Variants in CSMD1 observed in about 807,000 individuals in gnomAD.
The protein encoded by CSMD1 is CUB and sushi domain-containing protein 1.
In CSMD1, 213 loss-of-function variants were observed where a neutral mutation model predicts 417.5. The ratio of observed to expected loss-of-function variants is 0.51; its 90% confidence interval spans 0.46 to 0.57. The LOEUF (loss-of-function observed/expected upper bound fraction) is 0.57, where lower values mean the gene tolerates loss of function less well. CSMD1 is among the 20% of genes least tolerant of loss of function. The pLI, the probability that CSMD1 is intolerant of heterozygous loss-of-function variation, is 0.00. For missense variants in CSMD1, 6,923 were observed against 4,529.7 expected (o/e 1.53, Z -15.17); for synonymous variants, 2,862 against 1,736.8 (o/e 1.65, Z -16.11).
intron 25 of CSMD1, among the ~76,000 whole-genome samples, chr8:3,303,229 G>A (rs1348621987): frequency 6.6e-6 from 1 of 151,996 alleles, no homozygotes; most frequent in African/African-American, 2.4e-5. Flanking sequence ...ACAGAGGCTG[G>A]ACATGGAGAC....
intron 6 of CSMD1, among the ~76,000 whole-genome samples, chr8:3,737,058 G>A (rs149202970): frequency 7.2e-5 from 11 of 152,244 alleles, no homozygotes; most frequent in Non-Finnish European, 1.2e-4. Flanking sequence ...TGCTTTAAGC[G>A]GATTTGAAAG....
intron 4 of CSMD1, among the ~76,000 whole-genome samples, chr8:4,020,163 C>T (rs182837046): frequency 1.3e-5 from 2 of 152,230 alleles, no homozygotes; most frequent in Admixed American, 1.3e-4. Context: ...TTAATCTTTA[C>T]AACAGATTTC....
At chr8:4,906,032 C>A (rs1199224675) in intron 1 of CSMD1, among the ~76,000 whole-genome samples, 1 of 152,000 alleles carries the variant, frequency 6.6e-6, no homozygotes, top group Non-Finnish European at 1.5e-5. Context: ...AAATAGAAAG[C>A]ATATTAAAAA....
chr8:3,378,761 C>G (rs546007898), intron 18 of CSMD1, among the ~76,000 whole-genome samples: 2 of 152,048 alleles, frequency 1.3e-5, no homozygotes, highest in East Asian at 1.9e-4. Context: ...AAATAATAAG[C>G]TATTTATGAC....
At chr8:4,226,475 G>C (rs567624129) in intron 3 of CSMD1, among the ~76,000 whole-genome samples, 7 of 152,110 alleles carry the variant, frequency 4.6e-5, no homozygotes, top group African/African-American at 1.7e-4. Context: ...TTGCAATTTA[G>C]AAATTTTACA....
intron 3 of CSMD1, among the ~76,000 whole-genome samples, chr8:4,411,437 T>C (rs544488680): frequency 1.3e-5 from 2 of 152,282 alleles, no homozygotes; most frequent in African/African-American, 4.8e-5. Flanking sequence ...CAAAGGACTT[T>C]TAATTACTTG....
intron 3 of CSMD1, among the ~76,000 whole-genome samples, chr8:4,101,831 C>T (rs942980679): frequency 8.0e-4 from 2 of 2,492 alleles, no homozygotes; most frequent in African/African-American, 8.5e-4. Context: ...TCACTCCGCA[C>T]ATCTCTGAAT....
chr8:3,839,437 A>G (rs1324108117), intron 5 of CSMD1, among the ~76,000 whole-genome samples: 1 of 124,124 alleles, frequency 8.1e-6, no homozygotes, highest in Admixed American at 9.9e-5. Context: ...ATAAATTAAT[A>G]TTATATATTA....
chr8:3,473,168 T>A (rs1817205530), intron 11 of CSMD1, among the ~76,000 whole-genome samples: 1 of 152,230 alleles, frequency 6.6e-6, no homozygotes, highest in African/African-American at 2.4e-5. Context: ...ATATTTAATT[T>A]CTTAAGTTCT....
intron 25 of CSMD1, among the ~76,000 whole-genome samples, chr8:3,297,196 G>T (rs367625157): frequency 7.9e-5 from 12 of 152,084 alleles, no homozygotes; most frequent in African/African-American, 2.9e-4. Context: ...AAATGGAGAG[G>T]TATACAATAT....
At chr8:3,776,805 G>GACATATATATATATATATAT (rs1411200186) in intron 5 of CSMD1, among the ~76,000 whole-genome samples, 2 of 96,674 alleles carry the variant, frequency 2.1e-5, no homozygotes, top group African/African-American at 9.9e-5. Flanking sequence ...ACATATAGAC[G>GACATATATATATATATATAT]AGATATATAT....
chr8:4,582,599 G>A (rs893172320), intron 2 of CSMD1, among the ~76,000 whole-genome samples: 1 of 152,194 alleles, frequency 6.6e-6, no homozygotes. Context: ...TCACTGAAGG[G>A]CTACACATTA....
chr8:3,633,922 T>C (rs866478930), intron 7 of CSMD1, among the ~76,000 whole-genome samples: 6 of 152,138 alleles, frequency 3.9e-5, no homozygotes, highest in African/African-American at 1.4e-4. Context: ...GGGCATAAAA[T>C]ACATAAAATA....
chr8:3,753,711 A>G (rs1435972090), intron 6 of CSMD1, among the ~76,000 whole-genome samples: 1 of 152,242 alleles, frequency 6.6e-6, no homozygotes, highest in African/African-American at 2.4e-5. Flanking sequence ...GTTCCAGTGT[A>G]TCAAGAAACT....
intron 1 of CSMD1, among the ~76,000 whole-genome samples, chr8:4,721,189 C>G (rs901412023): frequency 2.0e-5 from 3 of 152,156 alleles, no homozygotes; most frequent in East Asian, 1.9e-4. Context: ...GATCCATATA[C>G]TTTGTCCCTA....
At position 3,018,689 on chromosome 8, in the gene CSMD1, A is replaced by T. The variant is rs369467837; in HGVS notation, c.7856-39T>A. On this transcript the variant is annotated intron_variant, in intron 51 of 69. Coordinates refer to ENST00000635120, the MANE Select transcript of CSMD1 (RefSeq NM_033225.6). ...CAATAAAATGAACATCAATTCAGTT[A>T]TGCAGATTACTCCTGTGCTCCAAAC... 3.2e-6 allele frequency: 5 copies of T among 1,570,666 alleles called. No individual in the cohort carries two copies. In the African/African-American group the frequency reaches 5.4e-5, roughly 17 times the overall value.
At chr8:3,776,395 G>A (rs1036866721) in intron 5 of CSMD1, among the ~76,000 whole-genome samples, 6 of 152,170 alleles carry the variant, frequency 3.9e-5, no homozygotes, top group African/African-American at 7.2e-5. Context: ...CTAAAGAGGC[G>A]CTGCAAGGGC....
chr8:4,199,237 C>A (rs1799512297), intron 3 of CSMD1, among the ~76,000 whole-genome samples: 1 of 152,142 alleles, frequency 6.6e-6, no homozygotes. Flanking sequence ...TTAGACCTAG[C>A]CTATAGTGTG....
At chr8:3,749,853 C>A (rs920650813) in intron 6 of CSMD1, among the ~76,000 whole-genome samples, 1 of 151,784 alleles carries the variant, frequency 6.6e-6, no homozygotes, top group South Asian at 2.1e-4. Context: ...AGGTGGTTCG[C>A]GGTGGTTGAC....
Sources: allele counts gnomAD v4.1 joint callset (sites outside exome capture counted in the v4.1 genomes callset), GRCh38; gene constraint gnomAD v4.1.1; transcripts MANE v1.5; gene names NCBI Gene and HGNC (gene_info 2026-07-23, HGNC 2026-07-21).